Variants in CDH23 observed in about 807,000 individuals in gnomAD.
The protein encoded by CDH23 is cadherin related 23.
CDH23 carries 189 observed loss-of-function variants against 317.1 expected under a neutral mutation model. The observed-to-expected ratio is 0.60, with a 90% confidence interval of 0.53 to 0.67. CDH23 has a LOEUF of 0.67. Ranked by LOEUF, CDH23 falls within the 30% of genes least tolerant of loss-of-function variation. The pLI, the probability that CDH23 is intolerant of heterozygous loss-of-function variation, is 0.00. For synonymous variants in CDH23, 1,839 were observed against 1,876.8 expected, an observed-to-expected ratio of 0.98 and a Z score of 0.52; for missense variants, 4,401 against 4,592.4, an observed-to-expected ratio of 0.96 and a Z score of 1.20.
chr10:71,624,820 G>A (rs534355827), intron 11 of CDH23, among the ~76,000 whole-genome samples: 34 of 151,678 alleles, frequency 2.2e-4, no homozygotes, highest in African/African-American at 8.0e-4. Flanking sequence ...GGAGTTAAGC[G>A]GCTTGCCTAA....
At chr10:71,486,378 T>C (rs1158477966) in intron 3 of CDH23, among the ~76,000 whole-genome samples, 1 of 151,998 alleles carries the variant, frequency 6.6e-6, no homozygotes, top group Admixed American at 6.6e-5. Context: ...GGGGTGGGCC[T>C]TGAACTGGGA....
chr10:71,641,330 A>T (rs1163598573), intron 11 of CDH23, among the ~76,000 whole-genome samples: 2 of 152,022 alleles, frequency 1.3e-5, no homozygotes, highest in African/African-American at 2.4e-5. Context: ...ATCTAGGGAG[A>T]GGAGGGCAGC....
intron 40 of CDH23, among the ~76,000 whole-genome samples, chr10:71,778,572 G>T (rs1245390501): frequency 6.6e-6 from 1 of 152,120 alleles, no homozygotes; most frequent in Admixed American, 6.5e-5. Flanking sequence ...TGAACTCTGG[G>T]TTTCAAGTCC....
At chr10:71,469,191 G>A (rs766903044) in intron 3 of CDH23, among the ~76,000 whole-genome samples, 31 of 152,164 alleles carry the variant, frequency 2.0e-4, no homozygotes, top group Non-Finnish European at 4.4e-4. Context: ...GTGTATAATG[G>A]ATAAGTTTCA....
At chr10:71,528,667 G>C (rs983372338) in intron 6 of CDH23, among the ~76,000 whole-genome samples, 1 of 152,240 alleles carries the variant, frequency 6.6e-6, no homozygotes, top group Admixed American at 6.5e-5. Context: ...TGGGAATCCT[G>C]ATGAAAGGTC....
intron 44 of CDH23, among the ~76,000 whole-genome samples, chr10:71,786,377 C>A (rs985211937): frequency 1.2e-4 from 18 of 152,162 alleles, no homozygotes; most frequent in African/African-American, 4.3e-4. Context: ...AGCCAAGGCA[C>A]CACTCTTTCT....
At position 71,469,035 on chromosome 10, in the gene CDH23, C is replaced by A. The variant is rs184020976; in HGVS notation, c.145+22640C>A. 9.8e-5 allele frequency among the ~76,000 whole-genome samples: 15 copies of A among 152,328 alleles called. No homozygotes were observed. The South Asian group carries it at 3.1e-3, about 32-fold the overall frequency. ...CCCCAAAGCAGGCTCATGCCTCTTG[C>A]GTCCTAACACACAACCCTCCTGGAC... On this transcript the variant is annotated intron_variant, in intron 3 of 69. Coordinates refer to ENST00000224721, the MANE Select transcript of CDH23 (RefSeq NM_022124.6).
Position 71,784,318 on chromosome 10 carries a change from G to A in CDH23, c.5400G>A (p.Val1800=). 6.2e-7 allele frequency: 1 copy of A among 1,613,914 alleles called. No homozygotes were observed. Among genetic ancestry groups the A allele is most frequent in the Non-Finnish European group, 8.5e-7 (1 of 1,179,818 alleles). The part of the protein sequence containing the change: ...GEFVISPVEG[V]LRVRKDVELD... Reference sequence around the variant, plus strand: ...TTGTGATCTCTCCTGTGGAGGGGGTGCTAAGGGTCCGGAAGGACGTGGAGC... The same window carrying A: ...TTGTGATCTCTCCTGTGGAGGGGGTACTAAGGGTCCGGAAGGACGTGGAGC... The change falls in exon 42 of 70, where the codon GTG becomes GTA. Residue 1800 remains valine, a synonymous_variant. Transcript: ENST00000224721.
At chr10:71,625,142 C>T (rs1374864977) in intron 11 of CDH23, among the ~76,000 whole-genome samples, 1 of 151,874 alleles carries the variant, frequency 6.6e-6, no homozygotes, top group East Asian at 1.9e-4. Flanking sequence ...ATGAGACGCA[C>T]CCCCACTGGG....
chr10:71,695,506 C>T lies in CDH23; in HGVS notation c.2378C>T (p.Pro793Leu). 6.2e-7 allele frequency: 1 copy of T among 1,612,818 alleles called. No homozygotes were observed. Among genetic ancestry groups the T allele is most frequent in the Non-Finnish European group, 8.5e-7 (1 of 1,178,790 alleles). The change falls in exon 22 of 70, where the codon CCA becomes CTA. Residue 793 changes from proline (P) to leucine (L), a missense_variant. Pro to Leu is a moderately conservative substitution (Grantham distance 98). This residue lies in a region of CDH23 where 3,068 missense variants were observed against 3,203.3 expected (regional missense o/e 0.96). Coordinates refer to ENST00000224721, the MANE Select transcript of CDH23 (RefSeq NM_022124.6). Reference sequence around the variant, plus strand: ...ATCAACCTGGTGGAGATGACCCCTCCAGACTCTGATGTGACCACGGTAGGT... The same window carrying T: ...ATCAACCTGGTGGAGATGACCCCTCTAGACTCTGATGTGACCACGGTAGGT... ...YYINLVEMTP[P>L]DSDVTTVVAV...
intron 46 of CDH23, 92 bp downstream of exon 46, chr10:71,790,505 G>T (rs550895937): frequency 2.0e-6 from 3 of 1,495,270 alleles, no homozygotes; most frequent in East Asian, 4.8e-5. Context: ...CTCAGTGCTG[G>T]ACCCAGGCTG....
In CDH23 at chr10:71,793,304, C is replaced by T. The variant is rs776269225; in HGVS notation, c.6376C>T (p.Arg2126Cys). 28 of 1,613,846 alleles carry T rather than the reference C, an allele frequency of 1.7e-5. 1 individual carries two copies. Among genetic ancestry groups the T allele is most frequent in the East Asian group, 1.1e-4 (5 of 44,884 alleles). Residue 2126 changes from arginine to cysteine, a missense_variant, in exon 48 of 70, where the codon CGT becomes TGT. Around this residue, in one of 3 missense-constraint regions of CDH23, gnomAD observed 3,068 missense variants for 3,203.3 expected, o/e 0.96. Transcript: ENST00000224721. ...FLIHLVTGVI[R>C]VGNATIDREE... is the part of the protein sequence containing the mutation. ...CATTCATCTGGTCACCGGGGTCATC[C>T]GTGTTGGTAATGCCACCATCGACAG...
intron 31 of CDH23, among the ~76,000 whole-genome samples, chr10:71,731,441 C>G (rs1036326589): frequency 6.6e-6 from 1 of 152,188 alleles, no homozygotes; most frequent in African/African-American, 2.4e-5. Context: ...GGCTGTGGCC[C>G]CTTGAGGTCT....
chr10:71,803,069 G>A lies in CDH23; in HGVS notation c.7654G>A (p.Gly2552Ser), dbSNP rs1323258808. The A allele has an allele frequency of 1.1e-5, 17 of 1,609,290 alleles. No homozygotes were observed. The highest frequency in any genetic ancestry group is 1.7e-5 in the Admixed American group (1 of 59,884). ...GELTYSLEGP[G>S]VEAFHVDMDS... ...GTTGACCTACTCACTTGAGGGCCCT[G>A]GCGTGGGTATGTGGCCTTCCTTGGA... The change falls in exon 54 of 70, where the codon GGC becomes AGC. Residue 2552 changes from glycine to serine, a missense_variant. Coordinates refer to ENST00000224721, the MANE Select transcript of CDH23 (RefSeq NM_022124.6).
rs113110957 is a variant in CDH23, at chr10:71,397,720, C to G, written c.-6+402C>G. Among the ~76,000 whole-genome samples the G allele has an allele frequency of 6.6e-6, 1 of 152,192 alleles. No individual in the cohort carries two copies. Among genetic ancestry groups the G allele is most frequent in the African/African-American group, 2.4e-5 (1 of 41,544 alleles). The stretch of plus-strand genomic sequence containing the variant: ...AGCGCGTTGGGATCCAATCCCCTCC[C>G]CTTCTGAGCCCTGGGTCCCCATTTG... On this transcript the variant is annotated intron_variant, in intron 1 of 69. Transcript: ENST00000224721. This position sits in a 1 kb window ranked among gnomAD's most constrained non-coding sequence, Gnocchi z 4.8.
chr10:71,415,448 A>C (rs1190435901), intron 1 of CDH23, among the ~76,000 whole-genome samples: 1 of 152,126 alleles, frequency 6.6e-6, no homozygotes, highest in Non-Finnish European at 1.5e-5. Flanking sequence ...AATTGTATTG[A>C]TCTTTTCAAA....
intron 1 of CDH23, among the ~76,000 whole-genome samples, chr10:71,436,174 T>C (rs1318024048): frequency 1.3e-5 from 2 of 152,236 alleles, no homozygotes; most frequent in Non-Finnish European, 2.9e-5. Context: ...CCGAATGCTT[T>C]GGAGGCAGTC....
intron 9 of CDH23, 147 bp downstream of exon 9, chr10:71,578,139 G>A (rs778871851): frequency 7.2e-5 from 55 of 762,578 alleles, no homozygotes; most frequent in Admixed American, 3.2e-4. Context: ...GACAGTCCTC[G>A]CCAAAGGGCC....
intron 52 of CDH23, among the ~76,000 whole-genome samples, 153 bp from the exon 53 acceptor site, chr10:71,800,483 C>A (rs1489714508): frequency 6.6e-6 from 1 of 152,160 alleles, no homozygotes. Context: ...GCAAGAAGAG[C>A]CCCTAGAATG....
Sources: allele counts gnomAD v4.1 joint callset (sites outside exome capture counted in the v4.1 genomes callset), GRCh38; gene constraint gnomAD v4.1.1; regional missense constraint gnomAD v4.1.1; non-coding constraint Gnocchi (gnomAD v3.1); transcripts MANE v1.5; gene names NCBI Gene and HGNC (gene_info 2026-07-23, HGNC 2026-07-21).